The following SETBP1 variants were observed in gnomAD, a reference collection of about 807,000 sequenced individuals.
SETBP1 encodes SET-binding protein.
Under a neutral mutation model 101.0 loss-of-function variants are expected in SETBP1, and 9 were observed. The observed-to-expected ratio is 0.09, with a 90% CI of 0.05 to 0.16. The LOEUF (loss-of-function observed/expected upper bound fraction) is 0.16, where lower values mean the gene tolerates loss of function less well. Ranked by LOEUF, SETBP1 falls within the 10% of genes least tolerant of loss-of-function variation. SETBP1 has a pLI of 1.00. For missense variants in SETBP1, 1,858 were observed against 2,033.8 expected, an observed-to-expected ratio of 0.91 and a Z score of 1.66; for synonymous variants, 818 against 788.5, an observed-to-expected ratio of 1.04 and a Z score of -0.63.
intron 3 of SETBP1, among the ~76,000 whole-genome samples, chr18:44,925,188 A>C (rs1040122479): frequency 6.6e-6 from 1 of 151,290 alleles, no homozygotes; most frequent in African/African-American, 2.4e-5. Flanking sequence ...AGACAACTAA[A>C]TCTTAGTTCC....
chr18:44,820,903 A>G (rs1017217483), intron 2 of SETBP1, among the ~76,000 whole-genome samples: 6 of 152,246 alleles, frequency 3.9e-5, no homozygotes, highest in African/African-American at 1.4e-4. Context: ...CATTGTGGTA[A>G]GTGACTTGAT....
At chr18:44,726,344 A>C (rs2144366550) in intron 2 of SETBP1, among the ~76,000 whole-genome samples, 1 of 152,354 alleles carries the variant, frequency 6.6e-6, no homozygotes, top group East Asian at 1.9e-4. Flanking sequence ...ATTATGAATA[A>C]TCAAATAATA....
chr18:44,987,935 A>T (rs1391863556), intron 4 of SETBP1: 1 of 152,104 alleles, frequency 6.6e-6, no homozygotes, highest in Non-Finnish European at 1.5e-5. Flanking sequence ...ATATTTTTTC[A>T]TTCCCTTTTC....
At chr18:44,937,457 A>T (rs2070988949) in intron 3 of SETBP1, among the ~76,000 whole-genome samples, 1 of 120,694 alleles carries the variant, frequency 8.3e-6, no homozygotes, top group South Asian at 2.7e-4. Flanking sequence ...TCCGTCTCAA[A>T]AAAAAAAAAA....
At chr18:44,719,706 C>G (rs2069543094) in intron 2 of SETBP1, among the ~76,000 whole-genome samples, 1 of 152,226 alleles carries the variant, frequency 6.6e-6, no homozygotes, top group South Asian at 2.1e-4. Context: ...TTCTAAATGA[C>G]AGCTGACCTT....
At chr18:44,763,905 C>A (rs1244662216) in intron 2 of SETBP1, among the ~76,000 whole-genome samples, 1 of 152,182 alleles carries the variant, frequency 6.6e-6, no homozygotes, top group Admixed American at 6.5e-5. Flanking sequence ...GGGCTCAGTT[C>A]TCCACCCTCT....
intron 1 of SETBP1, among the ~76,000 whole-genome samples, chr18:44,687,456 C>T (rs181870050): frequency 2.8e-4 from 43 of 152,160 alleles, no homozygotes; most frequent in Admixed American, 2.6e-3. Context: ...AGGTGGTGCC[C>T]TGGGGTAAAT....
rs114605789 is a variant in SETBP1, at chr18:45,051,783, T to C, written c.4172-11296T>C. On this transcript the variant is annotated intron_variant, in intron 5 of 5. Coordinates refer to ENST00000649279, the MANE Select transcript of SETBP1 (RefSeq NM_015559.3). ...TAAATTCCAATCTTGCTTTAGTCCA[T>C]GTTTTTGTCATTGAAACTCCACTTC... 8.5e-3 allele frequency among the ~76,000 whole-genome samples: 1,301 copies of C among 152,346 alleles called. 21 individuals carry two copies. Among genetic ancestry groups the C allele is most frequent in the African/African-American group, 0.029 (1,211 of 41,574 alleles).
intron 2 of SETBP1, among the ~76,000 whole-genome samples, chr18:44,789,474 A>G (rs1050315963): frequency 9.2e-5 from 14 of 152,356 alleles, no homozygotes; most frequent in Admixed American, 2.0e-4. Context: ...TGAAGAATAT[A>G]GAAAAAAATA....
chr18:44,913,813 TGG>T (rs1037843499), intron 3 of SETBP1, among the ~76,000 whole-genome samples: 1 of 152,252 alleles, frequency 6.6e-6, no homozygotes, highest in Non-Finnish European at 1.5e-5. Flanking sequence ...TAGCCAACTG[TGG>T]AAAGATCAGG....
intron 3 of SETBP1, among the ~76,000 whole-genome samples, chr18:44,886,651 C>T (rs1179168330): frequency 6.6e-6 from 1 of 151,944 alleles, no homozygotes; most frequent in Non-Finnish European, 1.5e-5. Context: ...TCCAATTCCT[C>T]TTAAACATGA....
chr18:44,987,680 C>G (rs1349960188), intron 4 of SETBP1: 1 of 152,104 alleles, frequency 6.6e-6, no homozygotes, highest in Non-Finnish European at 1.5e-5. Context: ...GTTTGGTTCT[C>G]CGTGAAGATA....
In SETBP1 at chr18:45,063,212, G is replaced by A. The variant is rs368871445; in HGVS notation, c.4305G>A (p.Lys1435=). ...KNLDHVNKIL[K]AKRLQRQSKT... The stretch of plus-strand genomic sequence containing the variant: ...TGGACCACGTGAACAAGATCCTGAA[G>A]GCCAAGCGGCTGCAGAGACAATCAA... Residue 1435 remains lysine, a synonymous_variant, in exon 6 of 6, where the codon AAG becomes AAA. Transcript: ENST00000649279. The A allele has an allele frequency of 3.0e-5, 49 of 1,614,032 alleles. No individual in the cohort carries two copies. The African/African-American group carries it at 4.8e-4, about 16-fold the overall frequency.
At chr18:44,745,839 G>A (rs2070230717) in intron 2 of SETBP1, among the ~76,000 whole-genome samples, 2 of 152,188 alleles carry the variant, frequency 1.3e-5, no homozygotes, top group Non-Finnish European at 2.9e-5. Flanking sequence ...TGGAGGAGGT[G>A]GTGCAGGATT....
intron 2 of SETBP1, among the ~76,000 whole-genome samples, chr18:44,818,112 A>G (rs1430067964): frequency 2.0e-5 from 3 of 152,260 alleles, no homozygotes; most frequent in Non-Finnish European, 4.4e-5. Flanking sequence ...CTGAAAGAGT[A>G]AACATCCAGG....
At chr18:45,037,788 A>G (rs557543509) in intron 4 of SETBP1, among the ~76,000 whole-genome samples, 6 of 152,060 alleles carry the variant, frequency 3.9e-5, no homozygotes, top group Admixed American at 6.5e-5. Context: ...AAGGCCCCCA[A>G]ATCAGCTCTC....
At chr18:44,702,224 TG>T (rs1428167856) in intron 2 of SETBP1, among the ~76,000 whole-genome samples, 2 of 152,308 alleles carry the variant, frequency 1.3e-5, no homozygotes, top group Middle Eastern at 3.4e-3. Flanking sequence ...ATCGTCTTCA[TG>T]GTGGGTAGGC....
chr18:44,750,332 G>A (rs2070353954), intron 2 of SETBP1, among the ~76,000 whole-genome samples: 1 of 152,162 alleles, frequency 6.6e-6, no homozygotes, highest in Non-Finnish European at 1.5e-5. Context: ...GCCTCACAGG[G>A]CAGAGAGGGG....
intron 3 of SETBP1, among the ~76,000 whole-genome samples, chr18:44,913,213 A>G (rs1435575296): frequency 6.6e-6 from 1 of 152,192 alleles, no homozygotes; most frequent in East Asian, 1.9e-4. Flanking sequence ...AGCTTCCCAT[A>G]CGCCCACAGA....
Sources: allele counts gnomAD v4.1 joint callset (sites outside exome capture counted in the v4.1 genomes callset), GRCh38; gene constraint gnomAD v4.1.1; transcripts MANE v1.5; gene names NCBI Gene and HGNC (gene_info 2026-07-23, HGNC 2026-07-21).